The following ROBO2 variants were observed in gnomAD, a reference collection of about 807,000 sequenced individuals.
ROBO2 encodes roundabout guidance receptor 2, also known as roundabout homolog 2.
In ROBO2, 53 loss-of-function variants were observed where a neutral mutation model predicts 160.8. That is an observed-to-expected ratio of 0.33 (90% CI 0.26 to 0.41). The LOEUF is 0.41. Ranked by LOEUF, ROBO2 falls within the 10% of genes least tolerant of loss-of-function variation. The probability of loss-of-function intolerance (pLI) is 1.00; values close to 1 mark genes in which losing one functional copy is unlikely to be tolerated. For synonymous variants in ROBO2, 664 were observed against 611.7 expected (o/e 1.09, Z -1.26); for missense variants, 1,577 against 1,722.4 (o/e 0.92, Z 1.49).
At chr3:76,879,649 T>G (rs2073144049) in intron 2 of ROBO2, among the ~76,000 whole-genome samples, 1 of 152,068 alleles carries the variant, frequency 6.6e-6, no homozygotes, top group African/African-American at 2.4e-5. Flanking sequence ...GATACAGTAA[T>G]AGAACAAATC....
intron 2 of ROBO2, among the ~76,000 whole-genome samples, chr3:77,271,121 T>A (rs1474826702): frequency 6.6e-6 from 1 of 151,892 alleles, no homozygotes; most frequent in East Asian, 1.9e-4. Flanking sequence ...CATTATTTTG[T>A]ATCTTCTATG....
chr3:75,952,464 C>T (rs1455404543), intron 2 of ROBO2, among the ~76,000 whole-genome samples: 2 of 151,846 alleles, frequency 1.3e-5, no homozygotes, highest in Non-Finnish European at 2.9e-5. Context: ...AAAACCCTGC[C>T]TTGTTTTAAT....
At chr3:76,695,440 T>C (rs1255028426) in intron 2 of ROBO2, among the ~76,000 whole-genome samples, 3 of 152,182 alleles carry the variant, frequency 2.0e-5, no homozygotes, top group Non-Finnish European at 4.4e-5. Context: ...TTGAAAAATA[T>C]TTTCACTGCC....
intron 2 of ROBO2, among the ~76,000 whole-genome samples, chr3:76,226,495 G>A (rs978560080): frequency 8.5e-5 from 13 of 152,102 alleles, no homozygotes; most frequent in Non-Finnish European, 1.6e-4. Context: ...TCTGAAAATC[G>A]AGTAAGGAGA....
At position 77,322,878 on chromosome 3, in the gene ROBO2, A is replaced by C. The variant is rs1172031011; in HGVS notation, c.389-154536A>C. Reference sequence around the variant, plus strand: ...CATATGTATTATAATATATTATGTAATATATTATATTATACATATATTATG... The same window carrying C: ...CATATGTATTATAATATATTATGTACTATATTATATTATACATATATTATG... On this transcript the variant is annotated intron_variant, in intron 2 of 25. Transcript: ENST00000461745. Among the ~76,000 whole-genome samples the C allele has an allele frequency of 2.2e-4, 25 of 114,996 alleles. 1 individual carries two copies. The highest frequency in any genetic ancestry group is 8.0e-4 in the African/African-American group (23 of 28,810). 75.4% of individuals were successfully genotyped at this position (114,996 alleles called of 152,430 possible).
At chr3:77,284,788 T>C (rs1263177314) in intron 2 of ROBO2, among the ~76,000 whole-genome samples, 1 of 152,042 alleles carries the variant, frequency 6.6e-6, no homozygotes, top group Non-Finnish European at 1.5e-5. Flanking sequence ...CATCCCCCAA[T>C]AGGCTGTATA....
intron 2 of ROBO2, among the ~76,000 whole-genome samples, chr3:76,377,939 T>A (rs577352438): frequency 6.6e-6 from 1 of 152,268 alleles, no homozygotes; most frequent in South Asian, 2.1e-4. Flanking sequence ...TCCTGAACAC[T>A]AATGCATTGC....
At chr3:76,640,229 G>C (rs541501858) in intron 2 of ROBO2, among the ~76,000 whole-genome samples, 4 of 152,118 alleles carry the variant, frequency 2.6e-5, no homozygotes, top group African/African-American at 9.7e-5. Context: ...TAAACAGATA[G>C]ACATCAAAAT....
At chr3:76,419,050 A>C (rs1266168158) in intron 2 of ROBO2, among the ~76,000 whole-genome samples, 1 of 152,080 alleles carries the variant, frequency 6.6e-6, no homozygotes, top group Non-Finnish European at 1.5e-5. Flanking sequence ...TGTACCATCC[A>C]TTTCTTTTTT....
intron 2 of ROBO2, among the ~76,000 whole-genome samples, chr3:77,000,346 A>G (rs1007978105): frequency 1.3e-5 from 2 of 151,632 alleles, no homozygotes; most frequent in Non-Finnish European, 2.9e-5. Context: ...TAAGCACCCA[A>G]TAGATCCACA....
In ROBO2 at chr3:77,291,586, G is replaced by A. The variant is rs1444198072; in HGVS notation, c.389-185828G>A. Among the ~76,000 whole-genome samples, 4 of 148,596 alleles carry A rather than the reference G, an allele frequency of 2.7e-5. No homozygotes were observed. The Admixed American group carries it at 2.7e-4, about 10-fold the overall frequency. On this transcript the variant is annotated intron_variant, in intron 2 of 25. Coordinates refer to ENST00000461745, the Ensembl canonical transcript of ROBO2. ...AATTGATGGTTAAACGGGAAGGTGAGGCTAGAGCAGTAAAGACATAAAGTA... is the reference window on the plus strand; with the variant it reads ...AATTGATGGTTAAACGGGAAGGTGAAGCTAGAGCAGTAAAGACATAAAGTA...
At chr3:75,983,322 AGTTGG>A (rs1194324989) in intron 2 of ROBO2, among the ~76,000 whole-genome samples, 1 of 151,470 alleles carries the variant, frequency 6.6e-6, no homozygotes, top group Non-Finnish European at 1.5e-5. Flanking sequence ...AATTTTTACT[AGTTGG>A]CAGTGTACTG....
chr3:77,577,942 T>G (rs1289688301), intron 15 of ROBO2, among the ~76,000 whole-genome samples: 7 of 152,070 alleles, frequency 4.6e-5, no homozygotes, highest in African/African-American at 1.7e-4. Context: ...ATCTTTGTTA[T>G]TAGAATTCTG....
chr3:76,680,588 C>T (rs2106911070), intron 2 of ROBO2, among the ~76,000 whole-genome samples: 1 of 152,118 alleles, frequency 6.6e-6, no homozygotes, highest in South Asian at 2.1e-4. Context: ...CTCCTAGCTT[C>T]TCCTTTCCAT....
In ROBO2 at chr3:77,180,416, CTATA is replaced by C. The variant is rs71104657; in HGVS notation, c.388+82088_388+82091del. ...TCTCTCTCTCTCTCTCTCTCTCTCT[CTATA>C]TATATATATATGTATTTTTTTTTTT... is the stretch of plus-strand genomic sequence containing the variant. On this transcript the variant is annotated intron_variant, in intron 2 of 25. Transcript: ENST00000461745. Among the ~76,000 whole-genome samples, 621 of 90,720 alleles carry C rather than the reference CTATA, an allele frequency of 6.8e-3. 10 individuals carry two copies. The highest frequency in any genetic ancestry group is 0.022 in the African/African-American group (561 of 26,022). 59.5% of individuals were successfully genotyped at this position (90,720 alleles called of 152,430 possible).
chr3:76,177,329 A>G (rs1180907336), intron 2 of ROBO2, among the ~76,000 whole-genome samples: 1 of 152,204 alleles, frequency 6.6e-6, no homozygotes, highest in African/African-American at 2.4e-5. Flanking sequence ...TGCAAGTTAC[A>G]TTCTTTGACC....
chr3:77,239,312 A>G (rs571950819), intron 2 of ROBO2, among the ~76,000 whole-genome samples: 1 of 150,986 alleles, frequency 6.6e-6, no homozygotes, highest in Admixed American at 6.6e-5. Flanking sequence ...GCGCGTCTAG[A>G]GTTGTTCGTT....
intron 1 of ROBO2, among the ~76,000 whole-genome samples, chr3:75,925,965 G>A (rs1407687704): frequency 6.6e-6 from 1 of 151,714 alleles, no homozygotes; most frequent in Non-Finnish European, 1.5e-5. Flanking sequence ...TTTCTTAAAA[G>A]TAAACAAAAA....
intron 2 of ROBO2, among the ~76,000 whole-genome samples, chr3:75,977,246 A>T (rs766679762): frequency 2.0e-5 from 3 of 151,574 alleles, no homozygotes; most frequent in Admixed American, 6.6e-5. Flanking sequence ...AGGTTCTGAT[A>T]CGACTAGAGC....
Sources: gnomAD v4.1 joint callset for allele counts (sites outside exome capture counted in the v4.1 genomes callset) on GRCh38, gnomAD v4.1.1 for gene constraint, MANE v1.5 for transcripts, NCBI Gene and HGNC (gene_info 2026-07-23, HGNC 2026-07-21) for gene names.